RAB3GAP1: variants seen among roughly 807,000 people sequenced by gnomAD.
The protein encoded by RAB3GAP1 is RAB3 GTPase activating protein catalytic subunit 1, also known as rab3 GTPase-activating protein catalytic subunit.
A neutral mutation model predicts 130.7 loss-of-function variants in RAB3GAP1; 86 were observed. That is an observed-to-expected ratio of 0.66 (90% confidence interval 0.55 to 0.79). The LOEUF (loss-of-function observed/expected upper bound fraction) is 0.79. Among genes scored for constraint, RAB3GAP1 ranks in the 30% least tolerant of loss-of-function variants. The pLI is 0.00. For synonymous variants in RAB3GAP1, 367 were observed against 401.7 expected (o/e 0.91, Z 1.03); for missense variants, 1,029 against 1,169.4 (o/e 0.88, Z 1.75).
intron 3 of RAB3GAP1, among the ~76,000 whole-genome samples, chr2:135,061,741 T>C (rs2104827551): frequency 6.6e-6 from 1 of 152,290 alleles, no homozygotes; most frequent in Middle Eastern, 3.4e-3. Flanking sequence ...GTTGTGAAGA[T>C]GTTTTTAATG....
At position 135,093,619 on chromosome 2, in the gene RAB3GAP1, T is replaced by A; in HGVS notation, c.288T>A (p.Val96=). The part of the protein sequence containing the change: ...KEGKDELLED[V]VPQSMQDLLG... ...CATTATCAAATGTTTTTGTAGATGT[T>A]GTTCCACAATCTATGCAAGATTTGC... The change falls in exon 5 of 24, where the codon GTT becomes GTA. Residue 96 remains valine (V), a synonymous_variant. Transcript: ENST00000264158. 1.2e-6 allele frequency: 2 copies of A among 1,612,466 alleles called. No homozygotes were observed. The highest frequency in any genetic ancestry group is 1.7e-6 in the Non-Finnish European group (2 of 1,178,454).
At chr2:135,111,139 A>C (rs572061928) in intron 5 of RAB3GAP1, among the ~76,000 whole-genome samples, 163 of 152,296 alleles carry the variant, frequency 1.1e-3, no homozygotes, top group Non-Finnish European at 1.7e-3. Context: ...TCTAAATAAT[A>C]AACATTATGA....
chr2:135,135,347 A>T (rs536851965), intron 16 of RAB3GAP1, 28 bp downstream of exon 16: 2 of 1,564,390 alleles, frequency 1.3e-6, no homozygotes, highest in African/African-American at 1.4e-5. Context: ...ACATGGATAA[A>T]TGTGGTCTTG....
chr2:135,052,896 T>G (rs576063014), intron 2 of RAB3GAP1, among the ~76,000 whole-genome samples: 1 of 152,226 alleles, frequency 6.6e-6, no homozygotes, highest in Non-Finnish European at 1.5e-5. Context: ...CCCGTGTACG[T>G]TGGTATACCC....
chr2:135,146,216 T>TTC (rs1691989254), intron 17 of RAB3GAP1, among the ~76,000 whole-genome samples: 1 of 147,032 alleles, frequency 6.8e-6, no homozygotes, highest in African/African-American at 2.5e-5. Flanking sequence ...TTTTTTTTTT[T>TTC]TTTTTTGAGA....
chr2:135,088,433 A>G (rs1690047467), intron 3 of RAB3GAP1, among the ~76,000 whole-genome samples: 1 of 152,124 alleles, frequency 6.6e-6, no homozygotes, highest in Non-Finnish European at 1.5e-5. Context: ...TCATGCCTGT[A>G]ATCCCAGCCC....
At chr2:135,105,572 C>G (rs1231781850) in intron 5 of RAB3GAP1, among the ~76,000 whole-genome samples, 1 of 152,076 alleles carries the variant, frequency 6.6e-6, no homozygotes, top group Non-Finnish European at 1.5e-5. Flanking sequence ...GGCGTGATCT[C>G]GGCTCGCTAC....
At position 135,126,205 on chromosome 2, in the gene RAB3GAP1, G is replaced by T; in HGVS notation, c.855G>T (p.Trp285Cys). The T allele has an allele frequency of 6.2e-7, 1 of 1,612,970 alleles. No homozygotes were observed. Among genetic ancestry groups the T allele is most frequent in the African/African-American group, 1.3e-5 (1 of 74,966 alleles). The stretch of plus-strand genomic sequence containing the variant: ...GTGAACTCCATTTAGCTACTACATG[G>T]CCTCATCTGACCGAAGGGATCATTG... Reference protein sequence around the residue: ...PISELHLATTWPHLTEGIIVD... With the variant: ...PISELHLATTCPHLTEGIIVD... Residue 285 changes from tryptophan to cysteine, a missense_variant, in exon 10 of 24, where the codon TGG (tryptophan) becomes TGT (cysteine). Physicochemically the swap from Trp to Cys is radical, Grantham distance 215 (BLOSUM62 -2). This residue lies in a region of RAB3GAP1 where 510 missense variants were observed against 532.1 expected (regional missense o/e 0.96). Transcript: ENST00000264158.
In RAB3GAP1 at chr2:135,090,760, A is replaced by G. The variant is rs1040710819; in HGVS notation, c.151-238A>G. On this transcript the variant is annotated intron_variant, in intron 3 of 23. Transcript: ENST00000264158. ...ATAGAGAATCTTGGAAAAAATTATT[A>G]TTAATCTTTGTAAGTCACTTGATCG... Among the ~76,000 whole-genome samples, 8 of 152,210 alleles carry G rather than the reference A, an allele frequency of 5.3e-5. No individual in the cohort carries two copies. In the East Asian group the frequency reaches 1.5e-3, roughly 29 times the overall value.
At chr2:135,145,728 C>T (rs1691973207) in intron 17 of RAB3GAP1, among the ~76,000 whole-genome samples, 1 of 152,116 alleles carries the variant, frequency 6.6e-6, no homozygotes, top group African/African-American at 2.4e-5. Context: ...TAAATTTTAG[C>T]TATTATTCTT....
chr2:135,114,146 CTAAT>C (rs1690900966), intron 6 of RAB3GAP1, among the ~76,000 whole-genome samples: 3 of 152,236 alleles, frequency 2.0e-5, no homozygotes, highest in Admixed American at 2.0e-4. Flanking sequence ...AAGGACAAAA[CTAAT>C]AAAACCTAAA....
intron 2 of RAB3GAP1, among the ~76,000 whole-genome samples, chr2:135,055,938 G>A (rs922165527): frequency 2.6e-5 from 4 of 151,206 alleles, no homozygotes; most frequent in Non-Finnish European, 4.4e-5. Context: ...CCAGGTTTAC[G>A]CCATTCTCCT....
rs762659819 is a variant in RAB3GAP1 at position 135,126,283 on chromosome 2, T to TA, written c.899+40dup. ...GTTAAGAGTAGTAGTACACTGAGAT[T>TA]AAAAAACTTCAGTAGAATAACTCTC... On this transcript the variant is annotated intron_variant, in intron 10 of 23. Transcript: ENST00000264158. The TA allele has an allele frequency of 9.4e-6, 14 of 1,492,250 alleles. No homozygotes were observed. In the African/African-American group the frequency reaches 2.0e-4, roughly 21 times the overall value. The allele number at this position is 1,492,250 out of a possible 1,614,324, so 92.4% of individuals were successfully genotyped here. A position where few individuals can be genotyped will look rare whatever the true frequency, so the allele number is the denominator to read the frequency against.
At chr2:135,106,850 T>C (rs1026352863) in intron 5 of RAB3GAP1, among the ~76,000 whole-genome samples, 9 of 151,300 alleles carry the variant, frequency 5.9e-5, no homozygotes, top group African/African-American at 2.2e-4. Flanking sequence ...CTGAGAATTT[T>C]CCAAATTTGA....
intron 3 of RAB3GAP1, among the ~76,000 whole-genome samples, chr2:135,068,455 TAAA>T (rs1378160637): frequency 7.0e-6 from 1 of 143,678 alleles, no homozygotes. Context: ...AAATTTTTCT[TAAA>T]AAAAAAAAAA....
chr2:135,109,910 A>G (rs556409501), intron 5 of RAB3GAP1, among the ~76,000 whole-genome samples: 3 of 151,838 alleles, frequency 2.0e-5, no homozygotes, highest in African/African-American at 4.8e-5. Flanking sequence ...AGTGACATCC[A>G]TCCAAGTCCT....
chr2:135,081,079 G>A (rs1338806340), intron 3 of RAB3GAP1, among the ~76,000 whole-genome samples: 2 of 151,702 alleles, frequency 1.3e-5, no homozygotes, highest in East Asian at 1.9e-4. Flanking sequence ...TGAAGCAAAC[G>A]TTCATTAGTG....
chr2:135,097,526 C>T (rs559518448), intron 5 of RAB3GAP1, among the ~76,000 whole-genome samples: 26 of 152,220 alleles, frequency 1.7e-4, no homozygotes, highest in African/African-American at 6.0e-4. Flanking sequence ...TGACCACACT[C>T]TCGACATCCT....
chr2:135,124,336 A>T (rs968340280), intron 9 of RAB3GAP1, 90 bp downstream of exon 9: 34 of 1,288,938 alleles, frequency 2.6e-5, no homozygotes, highest in Non-Finnish European at 3.7e-5. Flanking sequence ...ATGATGCTAT[A>T]GCTTGCTGGG....
Sources: gnomAD v4.1 joint callset for allele counts (sites outside exome capture counted in the v4.1 genomes callset) on GRCh38, gnomAD v4.1.1 for gene constraint, gnomAD v4.1.1 regional missense constraint, MANE v1.5 for transcripts, NCBI Gene and HGNC (gene_info 2026-07-23, HGNC 2026-07-21) for gene names.